Variants in MYO3B observed in about 807,000 individuals in gnomAD.
MYO3B encodes myosin IIIB, also known as myosin-IIIb.
Under a neutral mutation model 174.6 loss-of-function variants are expected in MYO3B, and 156 were observed. The observed-to-expected ratio is 0.89, with a 90% CI of 0.78 to 1.02. The LOEUF (loss-of-function observed/expected upper bound fraction) is 1.02, where lower values mean the gene tolerates loss of function less well. MYO3B is among the 50% of genes least tolerant of loss of function. The probability of loss-of-function intolerance (pLI) is 0.00; values close to 1 mark genes in which losing one functional copy is unlikely to be tolerated. For missense variants in MYO3B, 1,632 were observed against 1,639.4 expected (o/e 1.00, Z 0.08); for synonymous variants, 563 against 569.1 (o/e 0.99, Z 0.15).
intron 16 of MYO3B, among the ~76,000 whole-genome samples, chr2:170,398,929 C>T (rs1188960630): frequency 6.6e-6 from 1 of 152,100 alleles, no homozygotes; most frequent in Non-Finnish European, 1.5e-5. Flanking sequence ...AGGACATGTG[C>T]AGTTCCAACC....
At chr2:170,230,365 T>TTTTTTTTTTTTTTTTTTTTGGA (rs1559318980) in intron 6 of MYO3B, among the ~76,000 whole-genome samples, 3 of 140,766 alleles carry the variant, frequency 2.1e-5, no homozygotes, top group African/African-American at 8.7e-5. Flanking sequence ...TTTTTTTTAG[T>TTTTTTTTTTTTTTTTTTTTGGA]AGAGACGGGG....
At chr2:170,386,122 T>C in intron 12 of MYO3B, 67 bp from the exon 13 acceptor site, 1 of 1,322,202 alleles carries the variant, frequency 7.6e-7, no homozygotes, top group Non-Finnish European at 1.1e-6. Context: ...TAGTGGATGT[T>C]ATATGAAGCA....
chr2:170,615,970 TAGA>T, intron 32 of MYO3B, among the ~76,000 whole-genome samples: 1 of 152,102 alleles, frequency 6.6e-6, no homozygotes, highest in South Asian at 2.1e-4. Context: ...CATTTGTATG[TAGA>T]AGTACAGTAT....
chr2:170,514,427 C>A (rs1310613627), intron 28 of MYO3B, among the ~76,000 whole-genome samples: 6 of 152,206 alleles, frequency 3.9e-5, no homozygotes, highest in African/African-American at 1.4e-4. Flanking sequence ...GCTGCGAGTT[C>A]ACAGGAAGGG....
intron 8 of MYO3B, among the ~76,000 whole-genome samples, chr2:170,360,550 A>T (rs1448621622): frequency 6.6e-6 from 1 of 152,190 alleles, no homozygotes; most frequent in Non-Finnish European, 1.5e-5. Context: ...TAGCTAACTA[A>T]TGAGCACAGT....
chr2:170,578,132 G>A (rs955737373), intron 32 of MYO3B, among the ~76,000 whole-genome samples: 1 of 152,196 alleles, frequency 6.6e-6, no homozygotes, highest in Admixed American at 6.5e-5. Flanking sequence ...TAACGTCAAG[G>A]GTTCATTAGG....
At chr2:170,403,110 T>C (rs2094488858) in intron 19 of MYO3B, 115 bp downstream of exon 19, 2 of 1,026,822 alleles carry the variant, frequency 1.9e-6, no homozygotes, top group Non-Finnish European at 2.7e-6. Flanking sequence ...AGAGAGAAAA[T>C]AGGGTAAGGC....
chr2:170,208,606 G>A (rs7603724), intron 3 of MYO3B, among the ~76,000 whole-genome samples: 59,393 of 151,968 alleles, frequency 0.39, 11,520 homozygotes, highest in East Asian at 0.46. Context: ...TTGGTTCACA[G>A]GAACAAGCAG....
chr2:170,384,375 C>A (rs1440686018), intron 12 of MYO3B, among the ~76,000 whole-genome samples: 2 of 152,154 alleles, frequency 1.3e-5, no homozygotes, highest in Non-Finnish European at 2.9e-5. Flanking sequence ...TCACATTGCT[C>A]ATATATCTAA....
At chr2:170,644,388 A>AT (rs1698214826) in intron 32 of MYO3B, 1 of 151,810 alleles carries the variant, frequency 6.6e-6, no homozygotes, top group African/African-American at 2.4e-5. Flanking sequence ...CCAGGTTCAA[A>AT]TGATTCTCCT....
At chr2:170,414,251 G>A (rs1306304261) in intron 22 of MYO3B, among the ~76,000 whole-genome samples, 11 of 151,962 alleles carry the variant, frequency 7.2e-5, no homozygotes, top group Admixed American at 3.9e-4. Flanking sequence ...GCAATGGCGC[G>A]ATCTCAGCTC....
intron 25 of MYO3B, among the ~76,000 whole-genome samples, chr2:170,488,299 T>TTTATTTA (rs1686201544): frequency 1.6e-5 from 2 of 128,724 alleles, no homozygotes; most frequent in Non-Finnish European, 3.3e-5. Context: ...TTATTTATTT[T>TTTATTTA]ATTCATTTAT....
At chr2:170,299,543 A>T (rs1219262404) in intron 7 of MYO3B, among the ~76,000 whole-genome samples, 1 of 152,172 alleles carries the variant, frequency 6.6e-6, no homozygotes, top group Non-Finnish European at 1.5e-5. Flanking sequence ...AGTACTTTAT[A>T]TGTCACTATG....
At chr2:170,377,366 C>T (rs763861959) in intron 9 of MYO3B, among the ~76,000 whole-genome samples, 2 of 152,188 alleles carry the variant, frequency 1.3e-5, no homozygotes, top group Non-Finnish European at 2.9e-5. Flanking sequence ...AACAAAGACC[C>T]CCATCCTCTA....
chr2:170,399,264 AAAGAGAG>A (rs1244268407), intron 16 of MYO3B, among the ~76,000 whole-genome samples: 1,078 of 107,028 alleles, frequency 0.01, 134 homozygotes, highest in African/African-American at 0.034. Context: ...AAAAAAAAAA[AAAGAGAG>A]AGACCAGTCT....
chr2:170,449,881 T>C (rs970543112), intron 23 of MYO3B, among the ~76,000 whole-genome samples: 1 of 152,212 alleles, frequency 6.6e-6, no homozygotes, highest in Non-Finnish European at 1.5e-5. Context: ...TAGAAGTTTG[T>C]TTTGTTTCCT....
chr2:170,561,591 A>G (rs73029070), intron 32 of MYO3B, among the ~76,000 whole-genome samples: 23,865 of 152,196 alleles, frequency 0.16, 3,634 homozygotes, highest in African/African-American at 0.4. Context: ...TCCCATCAGG[A>G]TCTGTATCCC....
chr2:170,532,658 CA>C (rs1052532198), intron 30 of MYO3B, among the ~76,000 whole-genome samples: 2 of 151,292 alleles, frequency 1.3e-5, no homozygotes, highest in African/African-American at 4.9e-5. Context: ...ACTAAAACTA[CA>C]AAAAAAATTA....
At chr2:170,455,873 T>C (rs912378798) in intron 23 of MYO3B, among the ~76,000 whole-genome samples, 3 of 152,216 alleles carry the variant, frequency 2.0e-5, no homozygotes, top group Admixed American at 6.5e-5. Flanking sequence ...AAGTCCGTGT[T>C]GTAGGAGGAA....
Sources: gnomAD v4.1 joint callset for allele counts (sites outside exome capture counted in the v4.1 genomes callset) on GRCh38, gnomAD v4.1.1 for gene constraint, MANE v1.5 for transcripts, NCBI Gene and HGNC (gene_info 2026-07-23, HGNC 2026-07-21) for gene names.